AGO2: variants seen among roughly 807,000 people sequenced by gnomAD.
AGO2 encodes the protein argonaute RISC catalytic component 2.
A neutral mutation model predicts 102.3 loss-of-function variants in AGO2; 5 were observed. The observed-to-expected ratio is 0.05, with a 90% CI of 0.03 to 0.10. AGO2 has a LOEUF of 0.10. Ranked by LOEUF, AGO2 falls within the 10% of genes least tolerant of loss-of-function variation. AGO2 has a pLI of 1.00. For synonymous variants in AGO2, 449 were observed against 473.1 expected, an observed-to-expected ratio of 0.95 and a Z score of 0.66; for missense variants, 541 against 1,183.7, an observed-to-expected ratio of 0.46 and a Z score of 7.97.
rs1430772626 is a variant in AGO2, at chr8:140,520,420, C to T, written c.*11624G>A. The T allele has an allele frequency of 2.6e-5, 4 of 152,180 alleles. No individual in the cohort carries two copies. Among genetic ancestry groups the T allele is most frequent in the Admixed American group, 2.6e-4 (4 of 15,276 alleles). The allele number at this position is 152,180 out of a possible 1,614,324, so 9.4% of individuals were successfully genotyped here. A position where few individuals can be genotyped will look rare whatever the true frequency, so the allele number is the denominator to read the frequency against. On this transcript the variant is annotated 3_prime_UTR_variant, in exon 19 of 19. Coordinates refer to ENST00000220592, the MANE Select transcript of AGO2 (RefSeq NM_012154.5). ...TTTATTGCAAAAATAGTGCAAACTA[C>T]TTCACCTAGTAAGCTGTAAAAACAA... is the stretch of plus-strand genomic sequence containing the variant.
chr8:140,621,896 A>G (rs2074222127), intron 1 of AGO2, among the ~76,000 whole-genome samples: 1 of 152,196 alleles, frequency 6.6e-6, no homozygotes, highest in Non-Finnish European at 1.5e-5. Flanking sequence ...TCAAAAAGTT[A>G]AACACAGAGT....
At position 140,535,500 on chromosome 8, in the gene AGO2, C is replaced by A; in HGVS notation, c.2239G>T (p.Asp747Tyr). The stretch of plus-strand genomic sequence containing the variant: ...CCAGCGTGACTACACAGGTAGAAGT[C>A]GAACTCGGTGGGGTGGGTGATTTTC... ...DTKITHPTEF[D>Y]FYLCSHAGIQ... is the part of the protein sequence containing the mutation. The change falls in exon 17 of 19, where the codon GAC becomes TAC. Residue 747 changes from aspartate (D) to tyrosine (Y), a missense_variant. This residue lies in a region of AGO2 where 309 missense variants were observed against 735.1 expected (regional missense o/e 0.42). Transcript: ENST00000220592. The A allele has an allele frequency of 6.2e-7, 1 of 1,614,232 alleles. No individual in the cohort carries two copies. The highest frequency in any genetic ancestry group is 8.5e-7 in the Non-Finnish European group (1 of 1,180,038).
chr8:140,544,783 C>A (rs1046416906), intron 13 of AGO2, among the ~76,000 whole-genome samples: 1 of 152,238 alleles, frequency 6.6e-6, no homozygotes, highest in Admixed American at 6.5e-5. Context: ...AAGCCTGACA[C>A]CCCAACATGT....
rs910750834 is a variant in AGO2 at position 140,531,858 on chromosome 8, C to T, written c.*186G>A. On this transcript the variant is annotated 3_prime_UTR_variant, in exon 19 of 19. Transcript: ENST00000220592. ...TATGACATTGGGTTCTCATACAGGT[C>T]TGCAGTTCAAAATCCAAGTTTGAAA... 2 of 585,222 alleles carry T rather than the reference C, an allele frequency of 3.4e-6. No homozygotes were observed. The highest frequency in any genetic ancestry group is 3.7e-5 in the African/African-American group (2 of 53,740). 36.3% of individuals were successfully genotyped at this position (585,222 alleles called of 1,614,324 possible). A position where few individuals can be genotyped will look rare whatever the true frequency, so the allele number is the denominator to read the frequency against.
rs1353018828 is a variant in AGO2 at position 140,523,894 on chromosome 8, T to A, written c.*8150A>T. 6.6e-6 allele frequency: 1 copy of A among 152,138 alleles called. No homozygotes were observed. The highest frequency in any genetic ancestry group is 6.5e-5 in the Admixed American group (1 of 15,278). 9.4% of individuals were successfully genotyped at this position (152,138 alleles called of 1,614,324 possible). On this transcript the variant is annotated 3_prime_UTR_variant, in exon 19 of 19. Coordinates refer to ENST00000220592, the MANE Select transcript of AGO2 (RefSeq NM_012154.5). ...GAGCCACCAAGAAGAACTTCCTAGG[T>A]ATTTAAGAAATAAGTACATGGGATT...
intron 1 of AGO2, among the ~76,000 whole-genome samples, chr8:140,619,860 C>T (rs1336203831): frequency 6.6e-6 from 1 of 152,180 alleles, no homozygotes; most frequent in Non-Finnish European, 1.5e-5. Context: ...ATCTGAAACA[C>T]CGGTATGATC....
At chr8:140,611,263 A>G (rs931481080) in intron 1 of AGO2, among the ~76,000 whole-genome samples, 1 of 152,042 alleles carries the variant, frequency 6.6e-6, no homozygotes, top group African/African-American at 2.4e-5. Flanking sequence ...AAGCCAGCCT[A>G]CCTTAAAACT....
intron 16 of AGO2, among the ~76,000 whole-genome samples, chr8:140,537,255 A>C (rs2072714379): frequency 6.6e-6 from 1 of 152,032 alleles, no homozygotes; most frequent in African/African-American, 2.4e-5. Context: ...ATTTGTAGGG[A>C]AGATTCTATC....
At chr8:140,616,645 AGAG>A (rs151059173) in intron 1 of AGO2, among the ~76,000 whole-genome samples, 1 of 152,364 alleles carries the variant, frequency 6.6e-6, no homozygotes, top group East Asian at 1.9e-4. Flanking sequence ...CCCATTTTAC[AGAG>A]GAGGAGCTGA....
chr8:140,565,089 G>A (rs1241748643), intron 3 of AGO2, among the ~76,000 whole-genome samples: 2 of 151,264 alleles, frequency 1.3e-5, no homozygotes, highest in East Asian at 3.9e-4. Context: ...AGCCGAGATC[G>A]CACCATACTC....
chr8:140,527,784 G>A lies in AGO2; in HGVS notation c.*4260C>T, dbSNP rs2072530247. The A allele has an allele frequency of 6.6e-6, 1 of 152,270 alleles. No homozygotes were observed. The highest frequency in any genetic ancestry group is 2.4e-5 in the African/African-American group (1 of 41,458). The allele number at this position is 152,270 out of a possible 1,614,324, so 9.4% of individuals were successfully genotyped here. ...GAGAGGTCACAGGAAAATGTCGTAT[G>A]GCTTGTCTGGGCCACTGGGATTGTC... On this transcript the variant is annotated 3_prime_UTR_variant, in exon 19 of 19. Coordinates refer to ENST00000220592, the MANE Select transcript of AGO2 (RefSeq NM_012154.5). This position sits in a 1 kb window ranked among gnomAD's most constrained non-coding sequence, Gnocchi z 6.0.
At chr8:140,626,134 C>T (rs1201510627) in intron 1 of AGO2, among the ~76,000 whole-genome samples, 4 of 152,062 alleles carry the variant, frequency 2.6e-5, no homozygotes, top group African/African-American at 4.8e-5. Flanking sequence ...GCACAGCTGG[C>T]GCCCTTTCGG....
chr8:140,562,564 G>T lies in AGO2; in HGVS notation c.407C>A (p.Ser136Tyr). The T allele has an allele frequency of 6.2e-7, 1 of 1,614,118 alleles. No homozygotes were observed. Among genetic ancestry groups the T allele is most frequent in the Non-Finnish European group, 8.5e-7 (1 of 1,180,034 alleles). Reference sequence around the variant, plus strand: ...GTGTAACGCCTGCAAGCTCACGCAGGACACCCACTTGATGGACACCTTGAA... The same window carrying T: ...GTGTAACGCCTGCAAGCTCACGCAGTACACCCACTTGATGGACACCTTGAA... ...RIFKVSIKWV[S>Y]CVSLQALHDA... The change falls in exon 4 of 19, where the codon TCC (serine) becomes TAC (tyrosine). Residue 136 changes from serine to tyrosine, a missense_variant. By Grantham distance (144) the Ser-to-Tyr change is moderately radical. This residue lies in a region of AGO2 where 147 missense variants were observed against 204.1 expected (regional missense o/e 0.72). Coordinates refer to ENST00000220592, the MANE Select transcript of AGO2 (RefSeq NM_012154.5).
chr8:140,525,545 C>G lies in AGO2; in HGVS notation c.*6499G>C, dbSNP rs1564065680. The G allele has an allele frequency of 6.6e-6, 1 of 152,288 alleles. No individual in the cohort carries two copies. Among genetic ancestry groups the G allele is most frequent in the Non-Finnish European group, 1.5e-5 (1 of 68,106 alleles). 9.4% of individuals were successfully genotyped at this position (152,288 alleles called of 1,614,324 possible). On this transcript the variant is annotated 3_prime_UTR_variant, in exon 19 of 19. Coordinates refer to ENST00000220592, the MANE Select transcript of AGO2 (RefSeq NM_012154.5). ...TTAGCTCTTCCGGAATGAAAGCACGCAACGCAGCATAAAAAGCATCGAAAC... is the reference window on the plus strand; with the variant it reads ...TTAGCTCTTCCGGAATGAAAGCACGGAACGCAGCATAAAAAGCATCGAAAC...
At chr8:140,561,355 G>A (rs969291812) in intron 4 of AGO2, among the ~76,000 whole-genome samples, 4 of 152,128 alleles carry the variant, frequency 2.6e-5, no homozygotes, top group Admixed American at 6.5e-5. Flanking sequence ...TAATAATCCC[G>A]CCTCTACTGC....
At chr8:140,544,162 G>C (rs773662192) in intron 14 of AGO2, 51 bp downstream of exon 14, 1 of 1,510,080 alleles carries the variant, frequency 6.6e-7, no homozygotes, top group East Asian at 2.6e-5. Context: ...GACTTCGACA[G>C]CGTCCTGCAT....
intron 2 of AGO2, among the ~76,000 whole-genome samples, chr8:140,574,612 C>T (rs145592462): frequency 3.9e-5 from 6 of 152,198 alleles, no homozygotes; most frequent in East Asian, 3.9e-4. Flanking sequence ...TGCCTGCCCT[C>T]GCACACTACG....
In AGO2 at chr8:140,539,207, C is replaced by T. The variant is rs1256456989; in HGVS notation, c.2169+113G>A. 2.5e-5 allele frequency: 36 copies of T among 1,450,920 alleles called. No homozygotes were observed. The highest frequency in any genetic ancestry group is 6.8e-5 in the Admixed American group (3 of 43,880). The allele number at this position is 1,450,920 out of a possible 1,614,324, so 89.9% of individuals were successfully genotyped here. On this transcript the variant is annotated intron_variant, in intron 16 of 18. Transcript: ENST00000220592. The surrounding 1 kb of genome is among the most constrained non-coding windows in gnomAD (Gnocchi z 4.7). ...GAAGCCCCTTAGAGGACAGAGTCAC[C>T]CTAGAGCCTGGGACAGCGGCACTGT...
intron 17 of AGO2, chr8:140,535,258 T>G: frequency 1.7e-6 from 1 of 577,278 alleles, no homozygotes; most frequent in Non-Finnish European, 3.1e-6. Context: ...GGGACTTCCT[T>G]TTTCTGGGAG....
Sources: gnomAD v4.1 joint callset for allele counts (sites outside exome capture counted in the v4.1 genomes callset) on GRCh38, gnomAD v4.1.1 for gene constraint, gnomAD v4.1.1 regional missense constraint, Gnocchi (gnomAD v3.1) non-coding constraint, MANE v1.5 for transcripts, NCBI Gene and HGNC (gene_info 2026-07-23, HGNC 2026-07-21) for gene names.